Variants in ZNF277 observed in about 807,000 individuals in gnomAD.
ZNF277 encodes nuclear receptor-interacting factor 4.
In ZNF277, 55 loss-of-function variants were observed where a neutral mutation model predicts 60.7. The ratio of observed to expected loss-of-function variants is 0.91; its 90% CI spans 0.73 to 1.13. The LOEUF (loss-of-function observed/expected upper bound fraction) is 1.13. ZNF277 is among the 50% of genes most tolerant of loss of function. The pLI is 0.00. For missense variants in ZNF277, 510 were observed against 523.0 expected (o/e 0.98, Z 0.24); for synonymous variants, 178 against 179.3 (o/e 0.99, Z 0.06).
At chr7:112,262,060 A>G (rs983318712) in intron 1 of ZNF277, among the ~76,000 whole-genome samples, 2 of 151,976 alleles carry the variant, frequency 1.3e-5, no homozygotes, top group Non-Finnish European at 2.9e-5. Flanking sequence ...TTCTATAGAA[A>G]TTGGTGTTCC....
chr7:112,331,836 A>G (rs1374941556), intron 7 of ZNF277, among the ~76,000 whole-genome samples: 1 of 152,240 alleles, frequency 6.6e-6, no homozygotes, highest in East Asian at 1.9e-4. Context: ...ATCTAGCTAT[A>G]GGAGCAATTT....
chr7:112,234,536 A>T (rs1822434148), intron 1 of ZNF277, among the ~76,000 whole-genome samples: 1 of 152,152 alleles, frequency 6.6e-6, no homozygotes, highest in South Asian at 2.1e-4. Context: ...CACATTGGTG[A>T]TTATGTTTCT....
Position 112,250,099 on chromosome 7 carries a change from A to G in ZNF277, c.92-36774A>G, listed in dbSNP as rs1328264799. Among the ~76,000 whole-genome samples the G allele has an allele frequency of 2.0e-5, 3 of 152,184 alleles. No homozygotes were observed. The South Asian group carries it at 6.2e-4, about 32-fold the overall frequency. Reference sequence around the variant, plus strand: ...ATATCGCTGAATTCTTTTTCTCAGCATGGAACATCCCTGAGAAAGAGAATG... The same window carrying G: ...ATATCGCTGAATTCTTTTTCTCAGCGTGGAACATCCCTGAGAAAGAGAATG... On this transcript the variant is annotated intron_variant, in intron 1 of 11. Transcript: ENST00000361822.
rs190197861 is a variant in ZNF277, at chr7:112,343,692, C to A, written c.*963C>A. 1.8e-3 allele frequency among the ~76,000 whole-genome samples: 274 copies of A among 152,062 alleles called. 1 individual carries two copies. The highest frequency in any genetic ancestry group is 3.0e-3 in the Non-Finnish European group (206 of 67,956). ...CTGTAATCCCAGCACTTTGGGAGGC[C>A]AAGGCAGAGGATCACATGAGGTCAG... On this transcript the variant is annotated 3_prime_UTR_variant, in exon 12 of 12. Transcript: ENST00000361822.
intron 1 of ZNF277, among the ~76,000 whole-genome samples, chr7:112,259,425 C>T (rs1791394430): frequency 6.6e-6 from 1 of 151,980 alleles, no homozygotes; most frequent in Admixed American, 6.6e-5. Context: ...TAGTAGAGTG[C>T]CACGACCCCC....
chr7:112,209,150 T>C (rs1821670702), intron 1 of ZNF277, among the ~76,000 whole-genome samples: 2 of 152,214 alleles, frequency 1.3e-5, no homozygotes, highest in Non-Finnish European at 2.9e-5. Flanking sequence ...TGTGCCATTC[T>C]TTATCCATTC....
chr7:112,248,340 G>A (rs764629993), intron 1 of ZNF277, among the ~76,000 whole-genome samples: 1 of 151,364 alleles, frequency 6.6e-6, no homozygotes, highest in African/African-American at 2.4e-5. Context: ...ATATTTGGTT[G>A]GTTTTATTTT....
rs545876414 is a variant in ZNF277, at chr7:112,327,434, TGGACCGATACCCCTGGTTTAAA to T, written c.558-278_558-257del. ...GTGCAGCCTGCTTCCTAACAGGCCA[TGGACCGATACCCCTGGTTTAAA>T]GGACAGAACCTGATTCTTCTATAGA... On this transcript the variant is annotated intron_variant, in intron 5 of 11. Coordinates refer to ENST00000361822, the MANE Select transcript of ZNF277 (RefSeq NM_021994.3). 8.3e-4 allele frequency among the ~76,000 whole-genome samples: 127 copies of T among 152,318 alleles called. No individual in the cohort carries two copies. In the East Asian group the frequency reaches 0.024, roughly 29 times the overall value.
intron 7 of ZNF277, among the ~76,000 whole-genome samples, 188 bp from the exon 8 acceptor site, chr7:112,335,916 C>CA: frequency 6.6e-6 from 1 of 151,688 alleles, no homozygotes; most frequent in South Asian, 2.1e-4. Flanking sequence ...GTCATTAAGT[C>CA]AAAAAAAAGT....
intron 5 of ZNF277, among the ~76,000 whole-genome samples, chr7:112,326,534 A>T (rs1218072250): frequency 6.6e-6 from 1 of 152,108 alleles, no homozygotes; most frequent in Non-Finnish European, 1.5e-5. Context: ...CCCAAAAGGC[A>T]CTGTGAACTA....
chr7:112,279,454 G>T (rs1460716282), intron 1 of ZNF277, among the ~76,000 whole-genome samples: 1 of 152,072 alleles, frequency 6.6e-6, no homozygotes, highest in Admixed American at 6.6e-5. Context: ...CTGGTGATTA[G>T]CACCTTTTCA....
At chr7:112,304,406 GGGGTGGGGAAAA>G (rs1189091009) in intron 4 of ZNF277, among the ~76,000 whole-genome samples, 1 of 152,070 alleles carries the variant, frequency 6.6e-6, no homozygotes, top group Non-Finnish European at 1.5e-5. Context: ...GAGAATTTTG[GGGGTGGGGAAAA>G]GTAGCTTTTT....
At chr7:112,275,521 A>G (rs1370848341) in intron 1 of ZNF277, among the ~76,000 whole-genome samples, 1 of 152,222 alleles carries the variant, frequency 6.6e-6, no homozygotes, top group Non-Finnish European at 1.5e-5. Context: ...TTTCTATAGA[A>G]CTGAATATAC....
intron 5 of ZNF277, among the ~76,000 whole-genome samples, chr7:112,323,636 C>G (rs534472302): frequency 6.6e-6 from 1 of 152,212 alleles, no homozygotes; most frequent in Non-Finnish European, 1.5e-5. Context: ...ACCATTCTTA[C>G]CACAGTTGAG....
chr7:112,323,736 CA>C (rs2117120262), intron 5 of ZNF277, among the ~76,000 whole-genome samples: 1 of 152,310 alleles, frequency 6.6e-6, no homozygotes, highest in African/African-American at 2.4e-5. Context: ...CCATTTTCAC[CA>C]GTGCTACTGT....
chr7:112,339,519 A>G (rs952541346), intron 9 of ZNF277, among the ~76,000 whole-genome samples: 1 of 152,190 alleles, frequency 6.6e-6, no homozygotes, highest in Non-Finnish European at 1.5e-5. Flanking sequence ...GGGTTTTGCC[A>G]TGTTGGCCAG....
intron 5 of ZNF277, among the ~76,000 whole-genome samples, chr7:112,320,917 C>CTTTCTT (rs1792965042): frequency 1.0e-5 from 1 of 98,380 alleles, no homozygotes; most frequent in Non-Finnish European, 2.1e-5. Flanking sequence ...TTGTTTCTTT[C>CTTTCTT]TTTTTTTTTT....
chr7:112,299,652 G>A (rs989431127), intron 4 of ZNF277, among the ~76,000 whole-genome samples: 1 of 152,114 alleles, frequency 6.6e-6, no homozygotes, highest in African/African-American at 2.4e-5. Context: ...TTTCATTCTA[G>A]TTTCTAAAAC....
At chr7:112,261,356 T>C (rs1221809922) in intron 1 of ZNF277, among the ~76,000 whole-genome samples, 2 of 152,208 alleles carry the variant, frequency 1.3e-5, no homozygotes, top group African/African-American at 4.8e-5. Flanking sequence ...TTTCAGCTTA[T>C]TTATTTCAGA....
Sources: allele counts gnomAD v4.1 joint callset (sites outside exome capture counted in the v4.1 genomes callset), GRCh38; gene constraint gnomAD v4.1.1; transcripts MANE v1.5; gene names NCBI Gene and HGNC (gene_info 2026-07-23, HGNC 2026-07-21).